BBS9: variants seen among roughly 807,000 people sequenced by gnomAD.
BBS9 encodes the protein protein PTHB1.
In BBS9, 89 loss-of-function variants were observed where a neutral mutation model predicts 117.7. That is an observed-to-expected ratio of 0.76 (90% confidence interval 0.64 to 0.90). The LOEUF is 0.90. BBS9 is among the 40% of genes least tolerant of loss of function. BBS9 has a pLI of 0.00. For missense variants in BBS9, 982 were observed against 1,042.2 expected, an observed-to-expected ratio of 0.94 and a Z score of 0.80; for synonymous variants, 379 against 370.9, an observed-to-expected ratio of 1.02 and a Z score of -0.25.
intron 7 of BBS9, among the ~76,000 whole-genome samples, chr7:33,271,650 A>C (rs971191446): frequency 6.6e-6 from 1 of 152,208 alleles, no homozygotes; most frequent in Admixed American, 6.5e-5. Context: ...ATTCAACATG[A>C]AGATCTAACT....
At chr7:33,540,037 T>A (rs1308072905) in intron 21 of BBS9, among the ~76,000 whole-genome samples, 1 of 152,334 alleles carries the variant, frequency 6.6e-6, no homozygotes, top group Middle Eastern at 3.4e-3. Context: ...TGCTTTTCTA[T>A]GATTATAGCA....
chr7:33,325,097 GGCTAAT>G (rs1238525434), intron 9 of BBS9, among the ~76,000 whole-genome samples: 2 of 152,082 alleles, frequency 1.3e-5, no homozygotes, highest in Non-Finnish European at 2.9e-5. Flanking sequence ...TGCTCTTTAA[GGCTAAT>G]GCCTTTTAGA....
chr7:33,615,861 C>A (rs555039297), intron 21 of BBS9, among the ~76,000 whole-genome samples: 1 of 152,062 alleles, frequency 6.6e-6, no homozygotes, highest in Admixed American at 6.6e-5. Context: ...TAATCCTATC[C>A]ACTTCTCAGA....
intron 9 of BBS9, among the ~76,000 whole-genome samples, chr7:33,329,051 G>A (rs889805632): frequency 1.4e-5 from 2 of 144,696 alleles, no homozygotes; most frequent in African/African-American, 5.0e-5. Context: ...ACGGAGTTTC[G>A]CTCTTGTGTC....
intron 4 of BBS9, among the ~76,000 whole-genome samples, chr7:33,158,419 G>A (rs79356593): frequency 0.012 from 1,850 of 152,250 alleles, 36 homozygotes; most frequent in African/African-American, 0.043. Flanking sequence ...CAAAACCTAT[G>A]CAAATAATTT....
intron 21 of BBS9, among the ~76,000 whole-genome samples, chr7:33,565,826 T>TATATAC (rs1856822759): frequency 2.2e-5 from 1 of 46,228 alleles, no homozygotes; most frequent in Non-Finnish European, 3.4e-5. Flanking sequence ...TATATATATA[T>TATATAC]ACCGCTATAT....
chr7:33,280,828 C>T (rs1801671499), intron 9 of BBS9, among the ~76,000 whole-genome samples: 1 of 150,406 alleles, frequency 6.6e-6, no homozygotes, highest in Admixed American at 6.6e-5. Flanking sequence ...TTTCTTGAAA[C>T]CGAATTTATT....
intron 1 of BBS9, among the ~76,000 whole-genome samples, chr7:33,132,590 T>C (rs1789798568): frequency 6.6e-6 from 1 of 152,216 alleles, no homozygotes; most frequent in Admixed American, 6.5e-5. Context: ...AAAAACATTG[T>C]ATACATATTT....
intron 11 of BBS9, among the ~76,000 whole-genome samples, chr7:33,341,491 C>T (rs1167362824): frequency 6.6e-6 from 1 of 152,012 alleles, no homozygotes; most frequent in East Asian, 1.9e-4. Context: ...ATCTGTGTGA[C>T]ACAAGGCAAG....
intron 19 of BBS9, chr7:33,390,415 G>A (rs528341429): frequency 8.1e-5 from 80 of 985,082 alleles, no homozygotes; most frequent in African/African-American, 2.4e-4. Flanking sequence ...CAGACAAGAC[G>A]ATCAAAACCA....
chr7:33,356,567 A>G (rs1819644703), intron 15 of BBS9, among the ~76,000 whole-genome samples: 1 of 151,840 alleles, frequency 6.6e-6, no homozygotes. Context: ...AATAGATTAT[A>G]TTGAAGAGAA....
chr7:33,284,902 T>G (rs1802599962), intron 9 of BBS9, among the ~76,000 whole-genome samples: 4 of 152,166 alleles, frequency 2.6e-5, no homozygotes. Context: ...CTCCTGTATC[T>G]TTGCTACTCT....
intron 5 of BBS9, among the ~76,000 whole-genome samples, chr7:33,210,746 T>C (rs1175152403): frequency 6.6e-6 from 1 of 152,106 alleles, no homozygotes; most frequent in African/African-American, 2.4e-5. Context: ...ACCATGTTGA[T>C]CAGGCTGGTC....
intron 5 of BBS9, among the ~76,000 whole-genome samples, chr7:33,254,506 TATC>T (rs1336247167): frequency 2.6e-5 from 4 of 152,176 alleles, no homozygotes; most frequent in Non-Finnish European, 5.9e-5. Flanking sequence ...TTCTCATAAT[TATC>T]TTCTTTTTTG....
intron 5 of BBS9, among the ~76,000 whole-genome samples, chr7:33,241,266 C>T (rs1316774451): frequency 1.3e-5 from 2 of 152,060 alleles, no homozygotes; most frequent in Non-Finnish European, 2.9e-5. Flanking sequence ...AGTTATTTTT[C>T]CTACACAATA....
chr7:33,598,303 T>C (rs991585340), intron 21 of BBS9, among the ~76,000 whole-genome samples: 1 of 150,944 alleles, frequency 6.6e-6, no homozygotes, highest in Non-Finnish European at 1.5e-5. Flanking sequence ...CAAATTCCAA[T>C]AGAAAAGTAT....
chr7:33,344,207 G>T (rs918512377), intron 11 of BBS9, among the ~76,000 whole-genome samples: 2 of 145,816 alleles, frequency 1.4e-5, no homozygotes, highest in African/African-American at 2.5e-5. Flanking sequence ...TCAGCCTCCC[G>T]AGTAGCTGGG....
Position 33,133,155 on chromosome 7 carries a change from AT to A in BBS9, c.-12+3117del, listed in dbSNP as rs200109032. ...AAAAAAAAATGAAAGTTTATGGGGAATTTGAAGCATAACCAAAAGCATGAAG... is the reference window on the plus strand; with the variant it reads ...AAAAAAAAATGAAAGTTTATGGGGAATTGAAGCATAACCAAAAGCATGAAG... On this transcript the variant is annotated intron_variant, in intron 1 of 22. Transcript: ENST00000242067. Among the ~76,000 whole-genome samples the A allele has an allele frequency of 7.0e-3, 1,070 of 152,248 alleles. 18 individuals are homozygous for A. The highest frequency in any genetic ancestry group is 0.024 in the African/African-American group (1,010 of 41,536).
intron 21 of BBS9, among the ~76,000 whole-genome samples, chr7:33,613,098 C>T (rs1304732981): frequency 6.6e-6 from 1 of 151,966 alleles, no homozygotes; most frequent in Non-Finnish European, 1.5e-5. Flanking sequence ...AGAAAATGGA[C>T]AGTTGCAATA....
Sources: allele counts gnomAD v4.1 joint callset (sites outside exome capture counted in the v4.1 genomes callset), GRCh38; gene constraint gnomAD v4.1.1; transcripts MANE v1.5; gene names NCBI Gene and HGNC (gene_info 2026-07-23, HGNC 2026-07-21).